The following FGFRL1 variants were observed in gnomAD, a reference collection of about 807,000 sequenced individuals.
FGFRL1 encodes the protein fibroblast growth factor receptor like 1, also known as fibroblast growth factor receptor-like 1.
In FGFRL1, 24 loss-of-function variants were observed where a neutral mutation model predicts 36.8. The observed-to-expected ratio is 0.65, with a 90% CI of 0.47 to 0.92. The LOEUF is 0.92. FGFRL1 is among the 40% of genes least tolerant of loss of function. The pLI, the probability that FGFRL1 is intolerant of heterozygous loss-of-function variation, is 0.00. For synonymous variants in FGFRL1, 422 were observed against 344.1 expected (o/e 1.23, Z -2.50); for missense variants, 785 against 753.4 (o/e 1.04, Z -0.49).
Position 1,011,891 on chromosome 4 carries a change from C to T in FGFRL1, c.-80C>T, listed in dbSNP as rs1446340866. On this transcript the variant is annotated 5_prime_UTR_variant, in exon 1 of 7. Transcript: ENST00000510644. ...ATGCGGCGCCCGGGGCGGCGATGAC[C>T]GCGGAGCGCACGCCGCGGGCCCGGC... 1 of 145,466 alleles carries T rather than the reference C, an allele frequency of 6.9e-6. No individual in the cohort carries two copies. Among genetic ancestry groups the T allele is most frequent in the Non-Finnish European group, 1.5e-5 (1 of 65,552 alleles). 9.0% of individuals were successfully genotyped at this position (145,466 alleles called of 1,614,324 possible).
In FGFRL1 at chr4:1,022,114, G is replaced by C. The variant is rs112237720; in HGVS notation, c.80-89G>C. 1.5e-4 allele frequency: 157 copies of C among 1,048,432 alleles called. No individual in the cohort carries two copies. In the African/African-American group the frequency reaches 1.7e-3, roughly 11 times the overall value. 64.9% of individuals were successfully genotyped at this position (1,048,432 alleles called of 1,614,324 possible). A position where few individuals can be genotyped will look rare whatever the true frequency, so the allele number is the denominator to read the frequency against. On this transcript the variant is annotated intron_variant, in intron 2 of 6. Coordinates refer to ENST00000510644, the MANE Select transcript of FGFRL1 (RefSeq NM_001004356.3). ...CAGGTGGAGCTCAGGCCCGAGGTCT[G>C]TGCTGGGCCGTGGGTCCCCTTTTGA...
At position 1,025,333 on chromosome 4, in the gene FGFRL1, C is replaced by A; in HGVS notation, c.1501C>A (p.His501Asn). The A allele has an allele frequency of 6.4e-7, 1 of 1,554,442 alleles. No individual in the cohort carries two copies. Among genetic ancestry groups the A allele is most frequent in the South Asian group, 1.2e-5 (1 of 84,794 alleles). The change falls in exon 7 of 7, where the codon CAC becomes AAC. Residue 501 changes from histidine to asparagine, a missense_variant. Physicochemically the swap from His to Asn is moderately conservative, Grantham distance 68. Transcript: ENST00000510644. ...HVEGKVHQHIHYQC is the reference protein window; with the variant it reads ...HVEGKVHQHINYQC Reference sequence around the variant, plus strand: ...GGAGGGCAAGGTCCACCAGCACATCCACTATCAGTGCTAGACGGCACCGTA... The same window carrying A: ...GGAGGGCAAGGTCCACCAGCACATCAACTATCAGTGCTAGACGGCACCGTA...
chr4:1,016,084 G>A (rs909330693), intron 2 of FGFRL1, among the ~76,000 whole-genome samples: 7 of 152,244 alleles, frequency 4.6e-5, no homozygotes, highest in Non-Finnish European at 8.8e-5. Flanking sequence ...GTGAGTGGGA[G>A]CAAGGGCCCC....
At chr4:1,022,562 C>T (rs754911775) in intron 3 of FGFRL1, 87 bp downstream of exon 3, 41 of 1,458,898 alleles carry the variant, frequency 2.8e-5, no homozygotes, top group Non-Finnish European at 3.3e-5. Flanking sequence ...ACACCTGGGG[C>T]CCGAGAGTCA....
intron 2 of FGFRL1, among the ~76,000 whole-genome samples, chr4:1,014,780 AG>A (rs1433664035): frequency 6.6e-6 from 1 of 152,130 alleles, no homozygotes; most frequent in Non-Finnish European, 1.5e-5. Flanking sequence ...AGCTGGGCCC[AG>A]CCCCTGCAAG....
intron 5 of FGFRL1, 79 bp from the exon 6 acceptor site, chr4:1,024,232 G>C: frequency 6.9e-7 from 1 of 1,448,654 alleles, no homozygotes; most frequent in Non-Finnish European, 9.1e-7. Flanking sequence ...TGGGCTGGGG[G>C]TGCTGGTGGG....
intron 2 of FGFRL1, among the ~76,000 whole-genome samples, chr4:1,020,616 G>GTGGGGTGGGGACTGAGGCAGGGGA (rs1293825349): frequency 6.9e-6 from 1 of 144,230 alleles, no homozygotes; most frequent in African/African-American, 2.6e-5. Context: ...AGGGGATGGG[G>GTGGGGTGGGGACTGAGGCAGGGGA]TGGGGTGGGG....
chr4:1,024,523 G>C lies in FGFRL1; in HGVS notation c.931G>C (p.Val311Leu), dbSNP rs529265854. Reference protein sequence around the residue: ...QKFVVLPTGDVWSRPDGSYLN... With the variant: ...QKFVVLPTGDLWSRPDGSYLN... ...GTTTGTGGTGCTGCCCACGGGTGAC[G>C]TGTGGTCGCGGCCCGACGGCTCCTA... The change falls in exon 6 of 7, where the codon GTG becomes CTG. Residue 311 changes from valine (V) to leucine (L), a missense_variant. Coordinates refer to ENST00000510644, the MANE Select transcript of FGFRL1 (RefSeq NM_001004356.3). 21 of 1,612,526 alleles carry C rather than the reference G, an allele frequency of 1.3e-5. No homozygotes were observed. In the South Asian group the frequency reaches 2.3e-4, roughly 18 times the overall value.
At chr4:1,019,365 G>T (rs571012514) in intron 2 of FGFRL1, among the ~76,000 whole-genome samples, 1 of 152,238 alleles carries the variant, frequency 6.6e-6, no homozygotes, top group South Asian at 2.1e-4. Context: ...CACGTGTGAG[G>T]CCTGTGCCCA....
At position 1,025,267 on chromosome 4, in the gene FGFRL1, C is replaced by G. The variant is rs571486674; in HGVS notation, c.1435C>G (p.His479Asp). 63 of 598,532 alleles carry G rather than the reference C, an allele frequency of 1.1e-4. No homozygotes were observed. The highest frequency in any genetic ancestry group is 9.9e-4 in the African/African-American group (51 of 51,632). 37.1% of individuals were successfully genotyped at this position (598,532 alleles called of 1,614,324 possible). The part of the protein sequence containing the change: ...KLYPKLYTDI[H>D]THTHTHSHTH... ...GTACCCCAAACTCTACACAGACATC[C>G]ACACACACACACACACACACTCTCA... is the stretch of plus-strand genomic sequence containing the variant. The change falls in exon 7 of 7, where the codon CAC (histidine) becomes GAC (aspartate). Residue 479 changes from histidine to aspartate, a missense_variant. Physicochemically the swap from His to Asp is moderately conservative, Grantham distance 81. Transcript: ENST00000510644.
rs1392575008 is a variant in FGFRL1, at chr4:1,026,632, G to C, written c.*1285G>C. On this transcript the variant is annotated 3_prime_UTR_variant, in exon 7 of 7. Transcript: ENST00000510644. ...ATTCTCCCCCTGACACAGAGAAGGG[G>C]CCTTGGTATTTATATTTAAGAAATG... The C allele has an allele frequency of 3.5e-6, 1 of 289,240 alleles. No individual in the cohort carries two copies. Among genetic ancestry groups the C allele is most frequent in the Non-Finnish European group, 6.7e-6 (1 of 148,472 alleles). The allele number at this position is 289,240 out of a possible 1,614,324, so 17.9% of individuals were successfully genotyped here. A position where few individuals can be genotyped will look rare whatever the true frequency, so the allele number is the denominator to read the frequency against.
At position 1,023,369 on chromosome 4, in the gene FGFRL1, C is replaced by T. The variant is rs1008390569; in HGVS notation, c.353-272C>T. On this transcript the variant is annotated intron_variant, in intron 3 of 6. Coordinates refer to ENST00000510644, the MANE Select transcript of FGFRL1 (RefSeq NM_001004356.3). This position sits in a 1 kb window ranked among gnomAD's most constrained non-coding sequence, Gnocchi z 6.0. ...CTGGCCGGGCCCGGCTCCCTCCTCC[C>T]CCGGGGCCTGCAGACCCCCCGGAGC... Among the ~76,000 whole-genome samples, 2 of 152,176 alleles carry T rather than the reference C, an allele frequency of 1.3e-5. No homozygotes were observed. The highest frequency in any genetic ancestry group is 4.8e-5 in the African/African-American group (2 of 41,444).
Position 1,025,471 on chromosome 4 carries a change from C to A in FGFRL1, c.*124C>A. 2.5e-6 allele frequency: 3 copies of A among 1,224,478 alleles called. No individual in the cohort carries two copies. The highest frequency in any genetic ancestry group is 3.4e-6 in the Non-Finnish European group (3 of 882,638). 75.9% of individuals were successfully genotyped at this position (1,224,478 alleles called of 1,614,324 possible). A position where few individuals can be genotyped will look rare whatever the true frequency, so the allele number is the denominator to read the frequency against. ...GAGGAGGAATGGCCAGCACCCCAGG[C>A]AGTCTGTGTGTGAGGCATAGCCCCT... On this transcript the variant is annotated 3_prime_UTR_variant, in exon 7 of 7. Transcript: ENST00000510644.
chr4:1,024,144 G>A (rs1438734324), intron 5 of FGFRL1, 43 bp downstream of exon 5: 3 of 1,368,136 alleles, frequency 2.2e-6, no homozygotes, highest in Non-Finnish European at 1.9e-6. Flanking sequence ...GGTGCTGGTG[G>A]GCGGGGGCGC....
chr4:1,022,692 A>G (rs11723654), intron 3 of FGFRL1, among the ~76,000 whole-genome samples: 74,124 of 152,052 alleles, frequency 0.49, 18,550 homozygotes, highest in Middle Eastern at 0.66. Context: ...CCAGCCTCGG[A>G]GCCTTCCTCC....
intron 1 of FGFRL1, chr4:1,012,243 C>G: frequency 2.1e-6 from 1 of 480,272 alleles, no homozygotes; most frequent in South Asian, 3.1e-5. Context: ...GGAATCCAGA[C>G]GGTGTTTGGA....
chr4:1,019,785 TTGAGGGAGAGACG>T (rs1206077486), intron 2 of FGFRL1, among the ~76,000 whole-genome samples: 1 of 151,940 alleles, frequency 6.6e-6, no homozygotes, highest in Non-Finnish European at 1.5e-5. Context: ...GGGTCCTGAG[TTGAGGGAGAGACG>T]TGAGTCAGAG....
Position 1,024,426 on chromosome 4 carries a change from C to T in FGFRL1, c.834C>T (p.Ile278=), listed in dbSNP as rs532862696. The change falls in exon 6 of 7, where the codon ATC becomes ATT. Residue 278 remains isoleucine, a synonymous_variant. Coordinates refer to ENST00000510644, the MANE Select transcript of FGFRL1 (RefSeq NM_001004356.3). ...CKVRSDVKPV[I]QWLKRVEYGA... ...TGCGCAGCGACGTGAAGCCGGTGAT[C>T]CAGTGGCTGAAGCGCGTGGAGTACG... 2.9e-5 allele frequency: 47 copies of T among 1,612,630 alleles called. No individual in the cohort carries two copies. In the East Asian group the frequency reaches 9.1e-4, roughly 31 times the overall value.
intron 2 of FGFRL1, among the ~76,000 whole-genome samples, chr4:1,021,733 C>T (rs1716191060): frequency 6.6e-6 from 1 of 152,208 alleles, no homozygotes; most frequent in Middle Eastern, 3.4e-3. Flanking sequence ...CCTGGGGCCT[C>T]TTTGGGACCC....
Sources: allele counts gnomAD v4.1 joint callset (sites outside exome capture counted in the v4.1 genomes callset), GRCh38; gene constraint gnomAD v4.1.1; non-coding constraint Gnocchi (gnomAD v3.1); transcripts MANE v1.5; gene names NCBI Gene and HGNC (gene_info 2026-07-23, HGNC 2026-07-21).